Variants in RABGAP1L observed in about 807,000 individuals in gnomAD.
The protein encoded by RABGAP1L is RAB GTPase activating protein 1 like.
Under a neutral mutation model 137.7 loss-of-function variants are expected in RABGAP1L, and 63 were observed. That is an observed-to-expected ratio of 0.46 (90% confidence interval 0.37 to 0.56). The LOEUF (loss-of-function observed/expected upper bound fraction) is 0.56, where lower values mean the gene tolerates loss of function less well. Ranked by LOEUF, RABGAP1L falls within the 20% of genes least tolerant of loss-of-function variation. The pLI, the probability that RABGAP1L is intolerant of heterozygous loss-of-function variation, is 0.00. For synonymous variants in RABGAP1L, 431 were observed against 433.7 expected (o/e 0.99, Z 0.08); for missense variants, 1,095 against 1,244.0 (o/e 0.88, Z 1.80).
intron 13 of RABGAP1L, among the ~76,000 whole-genome samples, chr1:174,551,027 C>CACAT (rs1553330349): frequency 1.0e-5 from 1 of 98,470 alleles, no homozygotes; most frequent in East Asian, 2.2e-4. Context: ...TATATACATA[C>CACAT]ACACACACAC....
intron 13 of RABGAP1L, among the ~76,000 whole-genome samples, chr1:174,459,379 A>C (rs16847041): frequency 0.059 from 9,050 of 152,182 alleles, 949 homozygotes; most frequent in African/African-American, 0.21. Context: ...CAGTTCACGG[A>C]GTCTGTTAGA....
intron 11 of RABGAP1L, among the ~76,000 whole-genome samples, chr1:174,350,460 G>A (rs1453506794): frequency 1.7e-5 from 2 of 116,254 alleles, no homozygotes; most frequent in East Asian, 6.0e-4. Flanking sequence ...ATGGGGCGGC[G>A]GGGCAGAGGC....
chr1:174,853,666 G>T (rs1648768961), intron 19 of RABGAP1L, among the ~76,000 whole-genome samples: 2 of 152,166 alleles, frequency 1.3e-5, no homozygotes, highest in Admixed American at 1.3e-4. Flanking sequence ...GGGAGGTGGA[G>T]GTTGCGGTGA....
chr1:174,716,062 C>G (rs940796490), intron 17 of RABGAP1L, among the ~76,000 whole-genome samples: 7 of 152,214 alleles, frequency 4.6e-5, no homozygotes, highest in African/African-American at 1.7e-4. Context: ...CTCTAGATAA[C>G]TTATAATACA....
chr1:174,922,608 C>T (rs989285534), intron 19 of RABGAP1L, among the ~76,000 whole-genome samples: 1 of 152,122 alleles, frequency 6.6e-6, no homozygotes, highest in African/African-American at 2.4e-5. Flanking sequence ...GAATAAGGAC[C>T]AGGCCTTTGA....
chr1:174,701,873 G>A (rs1017500277), intron 16 of RABGAP1L, among the ~76,000 whole-genome samples: 13 of 152,156 alleles, frequency 8.5e-5, no homozygotes, highest in African/African-American at 2.9e-4. Flanking sequence ...AGTCAAGTGA[G>A]CAAGAGATGG....
chr1:174,701,705 T>G (rs1478414221), intron 16 of RABGAP1L, among the ~76,000 whole-genome samples: 2 of 150,066 alleles, frequency 1.3e-5, no homozygotes, highest in Admixed American at 6.7e-5. Context: ...ATCATGCCAC[T>G]GTACTCCAGC....
Position 174,891,546 on chromosome 1 carries a change from A to G in RABGAP1L, c.2341-65911A>G, listed in dbSNP as rs1235579599. ...GAGACAGGGTCTTACTCTGTTGCCC[A>G]GGCTCGTGTGCAGTGGTGATCAGAT... On this transcript the variant is annotated intron_variant, in intron 19 of 25. Transcript: ENST00000681986. Among the ~76,000 whole-genome samples the G allele has an allele frequency of 4.6e-5, 7 of 152,316 alleles. No homozygotes were observed. The East Asian group carries it at 1.3e-3, about 29-fold the overall frequency.
chr1:174,621,366 A>G (rs1486255853), intron 13 of RABGAP1L, among the ~76,000 whole-genome samples: 1 of 152,242 alleles, frequency 6.6e-6, no homozygotes, highest in African/African-American at 2.4e-5. Flanking sequence ...TAAAGTTCAT[A>G]TGGAACCAAA....
At chr1:174,210,957 G>GA (rs1668841064) in intron 1 of RABGAP1L, among the ~76,000 whole-genome samples, 1 of 152,072 alleles carries the variant, frequency 6.6e-6, no homozygotes. Flanking sequence ...AGTGCTGAAG[G>GA]AAAAAACTTT....
chr1:174,586,815 C>T (rs564365017), intron 13 of RABGAP1L, among the ~76,000 whole-genome samples: 7 of 152,194 alleles, frequency 4.6e-5, no homozygotes, highest in East Asian at 3.9e-4. Context: ...AGTCTGATCT[C>T]GAACTCTTGG....
At chr1:174,424,387 T>C (rs1164106785) in intron 13 of RABGAP1L, among the ~76,000 whole-genome samples, 2 of 152,152 alleles carry the variant, frequency 1.3e-5, no homozygotes, top group South Asian at 2.1e-4. Flanking sequence ...ATGCAGACTT[T>C]TATTTCTTTC....
rs565001610 is a variant in RABGAP1L, at chr1:174,677,110, T to C, written c.1825-6412T>C. 3.4e-5 allele frequency among the ~76,000 whole-genome samples: 5 copies of C among 146,440 alleles called. No individual in the cohort carries two copies. The South Asian group carries it at 1.1e-3, about 31-fold the overall frequency. On this transcript the variant is annotated intron_variant, in intron 14 of 25. Transcript: ENST00000681986. ...GCTGAGGCAGAAGGAACACTTGAAT[T>C]CAGGAATTTGAGACCAGTCTAGGCA...
intron 14 of RABGAP1L, among the ~76,000 whole-genome samples, chr1:174,682,278 C>G (rs1465665142): frequency 6.9e-6 from 1 of 144,742 alleles, no homozygotes; most frequent in African/African-American, 2.7e-5. Flanking sequence ...AAAACTCTCT[C>G]TCTCTCTCTC....
At chr1:174,564,396 A>T (rs923966440) in intron 13 of RABGAP1L, among the ~76,000 whole-genome samples, 1 of 152,158 alleles carries the variant, frequency 6.6e-6, no homozygotes, top group African/African-American at 2.4e-5. Flanking sequence ...CAGCTACTCT[A>T]CCAGGTGCTT....
At chr1:174,866,749 T>C (rs1408359823) in intron 19 of RABGAP1L, among the ~76,000 whole-genome samples, 1 of 151,062 alleles carries the variant, frequency 6.6e-6, no homozygotes, top group Admixed American at 6.6e-5. Flanking sequence ...CCTTCTCTAC[T>C]AAAAATATAA....
intron 13 of RABGAP1L, among the ~76,000 whole-genome samples, chr1:174,447,900 C>T (rs946038525): frequency 8.2e-6 from 1 of 121,384 alleles, no homozygotes; most frequent in Admixed American, 8.4e-5. Context: ...GCCCCCCCCC[C>T]ACCCCCCCGC....
At chr1:174,318,744 T>C (rs547342568) in intron 11 of RABGAP1L, among the ~76,000 whole-genome samples, 11 of 152,040 alleles carry the variant, frequency 7.2e-5, no homozygotes, top group Admixed American at 5.2e-4. Flanking sequence ...TTTTTATCTT[T>C]TATGTATTTG....
At chr1:174,214,162 A>G (rs1669111279) in intron 1 of RABGAP1L, among the ~76,000 whole-genome samples, 1 of 152,240 alleles carries the variant, frequency 6.6e-6, no homozygotes, top group African/African-American at 2.4e-5. Flanking sequence ...TAAAAAATCA[A>G]CATATAAAAA....
Sources: allele counts gnomAD v4.1 joint callset (sites outside exome capture counted in the v4.1 genomes callset), GRCh38; gene constraint gnomAD v4.1.1; transcripts MANE v1.5; gene names NCBI Gene and HGNC (gene_info 2026-07-23, HGNC 2026-07-21).